The following PAX8 variants were observed in gnomAD, a reference collection of about 807,000 sequenced individuals.
PAX8 encodes paired box 8.
Under a neutral mutation model 52.4 loss-of-function variants are expected in PAX8, and 15 were observed. The ratio of observed to expected loss-of-function variants is 0.29; its 90% CI spans 0.19 to 0.44. The LOEUF (loss-of-function observed/expected upper bound fraction) is 0.44. Ranked by LOEUF, PAX8 falls within the 20% of genes least tolerant of loss-of-function variation. The pLI, the probability that PAX8 is intolerant of heterozygous loss-of-function variation, is 1.00. For missense variants in PAX8, 554 were observed against 602.5 expected (o/e 0.92, Z 0.84); for synonymous variants, 284 against 249.7 (o/e 1.14, Z -1.29).
intron 9 of PAX8, among the ~76,000 whole-genome samples, chr2:113,232,923 G>C (rs1224940673): frequency 6.6e-6 from 1 of 151,722 alleles, no homozygotes; most frequent in Non-Finnish European, 1.5e-5. Flanking sequence ...CTCACCCCTT[G>C]CCTGCCCCAT....
intron 2 of PAX8, among the ~76,000 whole-genome samples, chr2:113,258,756 G>A (rs1558742489): frequency 6.6e-6 from 1 of 151,980 alleles, no homozygotes; most frequent in Non-Finnish European, 1.5e-5. Context: ...TCTTCCTAAT[G>A]GTCTACCCCC....
At chr2:113,260,693 C>G (rs757623679) in intron 2 of PAX8, among the ~76,000 whole-genome samples, 15 of 152,104 alleles carry the variant, frequency 9.9e-5, no homozygotes, top group Non-Finnish European at 1.9e-4. Flanking sequence ...AAAGATGCCT[C>G]CCTCACCCGG....
rs2104408731 is a variant in PAX8, at chr2:113,217,847, T to G, written c.*686A>C. ...GGGGATGCCGCACTGCAGGAGGACC[T>G]GGGGTGGTGCTATACCTTCACAGCA... is the stretch of plus-strand genomic sequence containing the variant. On this transcript the variant is annotated 3_prime_UTR_variant, in exon 12 of 12. Coordinates refer to ENST00000429538, the MANE Select transcript of PAX8 (RefSeq NM_003466.4). 3 of 233,270 alleles carry G rather than the reference T, an allele frequency of 1.3e-5. No individual in the cohort carries two copies. The highest frequency in any genetic ancestry group is 1.3e-3 in the Middle Eastern group (1 of 788). 14.5% of individuals were successfully genotyped at this position (233,270 alleles called of 1,614,324 possible). A position where few individuals can be genotyped will look rare whatever the true frequency, so the allele number is the denominator to read the frequency against.
At chr2:113,278,331 C>G in intron 2 of PAX8, 39 bp downstream of exon 2, 1 of 1,473,862 alleles carries the variant, frequency 6.8e-7, no homozygotes, top group Non-Finnish European at 9.5e-7. Flanking sequence ...CGCTCAGCGG[C>G]GCGGGGGCTC....
At chr2:113,236,842 C>T (rs957357643) in intron 7 of PAX8, 121 bp from the exon 8 acceptor site, 16 of 1,095,678 alleles carry the variant, frequency 1.5e-5, no homozygotes, top group Non-Finnish European at 1.9e-5. Context: ...TCCTCATCGC[C>T]CCCTTCTTCC....
At chr2:113,250,593 T>G (rs1021409) in intron 2 of PAX8, among the ~76,000 whole-genome samples, 22,167 of 152,236 alleles carry the variant, frequency 0.15, 1,835 homozygotes, top group Non-Finnish European at 0.19. Flanking sequence ...TAGGCCAGGG[T>G]CACACTTTGA....
At chr2:113,251,888 A>G (rs561342355) in intron 2 of PAX8, among the ~76,000 whole-genome samples, 1 of 152,126 alleles carries the variant, frequency 6.6e-6, no homozygotes, top group East Asian at 1.9e-4. Flanking sequence ...TCTCTATTTG[A>G]GTTTCTTTAT....
rs1303492062 is a variant in PAX8 at position 113,246,863 on chromosome 2, C to G, written c.82G>C (p.Glu28Gln). The change falls in exon 3 of 12, where the codon GAA becomes CAA. Residue 28 changes from glutamate to glutamine, a missense_variant. Transcript: ENST00000429538. ...TCTACGATGCGCTGGCGGACCACTT[C>G]CGGCAGAGGTCTGCCATTCACAAAG... ...GAFVNGRPLP[E>Q]VVRQRIVDLA... The G allele has an allele frequency of 3.1e-6, 5 of 1,614,230 alleles. No homozygotes were observed. Among genetic ancestry groups the G allele is most frequent in the Non-Finnish European group, 4.2e-6 (5 of 1,180,020 alleles).
intron 9 of PAX8, among the ~76,000 whole-genome samples, chr2:113,232,310 G>A (rs941556069): frequency 6.6e-6 from 1 of 152,140 alleles, no homozygotes; most frequent in African/African-American, 2.4e-5. Context: ...CCTACTCTTG[G>A]CCATTTGCCT....
intron 2 of PAX8, among the ~76,000 whole-genome samples, chr2:113,276,834 G>A (rs566081175): frequency 1.1e-4 from 16 of 151,586 alleles, no homozygotes; most frequent in Non-Finnish European, 2.2e-4. Flanking sequence ...GACCTCCAGA[G>A]CCGAGCAGAA....
At chr2:113,246,619 C>G (rs1482289245) in intron 3 of PAX8, 135 bp downstream of exon 3, 5 of 925,570 alleles carry the variant, frequency 5.4e-6, no homozygotes, top group Non-Finnish European at 8.5e-6. Flanking sequence ...CATAACTGTT[C>G]AGGTCTCAGG....
intron 2 of PAX8, among the ~76,000 whole-genome samples, chr2:113,253,092 C>T (rs892476163): frequency 6.6e-6 from 1 of 152,200 alleles, no homozygotes; most frequent in Non-Finnish European, 1.5e-5. Flanking sequence ...CCATGTTCTC[C>T]CTCTTGAAGA....
At chr2:113,271,132 G>A (rs1447276133) in intron 2 of PAX8, 1 of 152,242 alleles carries the variant, frequency 6.6e-6, no homozygotes, top group Non-Finnish European at 1.5e-5. Flanking sequence ...TAAGCTTTGG[G>A]ACATAACAAC....
At chr2:113,226,919 A>C in intron 10 of PAX8, 1 of 1,417,996 alleles carries the variant, frequency 7.1e-7, no homozygotes. Context: ...CATGGAGGGT[A>C]ATGTAGCAGG....
intron 9 of PAX8, among the ~76,000 whole-genome samples, chr2:113,232,513 T>G (rs1427748973): frequency 6.6e-6 from 1 of 152,206 alleles, no homozygotes; most frequent in Non-Finnish European, 1.5e-5. Context: ...GTGCTGCATA[T>G]TTGGCTGCCT....
In PAX8 at chr2:113,241,716, A is replaced by C. The variant is rs1690857621; in HGVS notation, c.612T>G (p.Asp204Glu). 4 of 1,614,056 alleles carry C rather than the reference A, an allele frequency of 2.5e-6. No individual in the cohort carries two copies. Among genetic ancestry groups the C allele is most frequent in the Middle Eastern group, 1.7e-4 (1 of 6,018 alleles). ...DKRKMDDSDQ[D>E]SCRLSIDSQS... ...GTGAGTCAATGCTTAGTCGGCAGCT[A>C]TCCTGATCACCTGGTACCCCCCGGG... Residue 204 changes from aspartate (D) to glutamate (E), a missense_variant, in exon 7 of 12, where the codon GAT becomes GAG. Asp to Glu is a conservative substitution (Grantham distance 45). This residue lies in a region of PAX8 where 445 missense variants were observed against 409.9 expected (regional missense o/e 1.09). Coordinates refer to ENST00000429538, the MANE Select transcript of PAX8 (RefSeq NM_003466.4).
intron 2 of PAX8, among the ~76,000 whole-genome samples, chr2:113,253,200 C>A (rs1691922852): frequency 6.6e-6 from 1 of 152,188 alleles, no homozygotes; most frequent in Non-Finnish European, 1.5e-5. Flanking sequence ...TGCTCCATGA[C>A]ATATGTTTTC....
At chr2:113,248,558 A>G (rs1691507975) in intron 2 of PAX8, among the ~76,000 whole-genome samples, 1 of 152,218 alleles carries the variant, frequency 6.6e-6, no homozygotes, top group Non-Finnish European at 1.5e-5. Context: ...TTTGCTGGGC[A>G]CACAGTGCCC....
At chr2:113,269,061 G>C (rs1161800320) in intron 2 of PAX8, 1 of 152,342 alleles carries the variant, frequency 6.6e-6, no homozygotes, top group African/African-American at 2.4e-5. Flanking sequence ...GAAGGACCCA[G>C]GTCTTTTCAT....
Sources: gnomAD v4.1 joint callset for allele counts (sites outside exome capture counted in the v4.1 genomes callset) on GRCh38, gnomAD v4.1.1 for gene constraint, gnomAD v4.1.1 regional missense constraint, MANE v1.5 for transcripts, NCBI Gene and HGNC (gene_info 2026-07-23, HGNC 2026-07-21) for gene names.